The following FGF12 variants were observed in gnomAD, a reference collection of about 807,000 sequenced individuals.
FGF12 encodes the protein fibroblast growth factor 12B.
Under a neutral mutation model 23.6 loss-of-function variants are expected in FGF12, and 14 were observed. That is an observed-to-expected ratio of 0.59 (90% confidence interval 0.39 to 0.93). The LOEUF (loss-of-function observed/expected upper bound fraction) is 0.93. FGF12 is among the 40% of genes least tolerant of loss of function. The pLI, the probability that FGF12 is intolerant of heterozygous loss-of-function variation, is 0.00. For missense variants in FGF12, 175 were observed against 217.8 expected, an observed-to-expected ratio of 0.80 and a Z score of 1.24; for synonymous variants, 62 against 77.3, an observed-to-expected ratio of 0.80 and a Z score of 1.04.
At chr3:192,415,485 C>T (rs971029555) in intron 2 of FGF12, among the ~76,000 whole-genome samples, 1 of 152,168 alleles carries the variant, frequency 6.6e-6, no homozygotes. Context: ...ATGCATGGGT[C>T]ATCCCAAAGT....
At chr3:192,611,727 T>C (rs1391016847) in intron 2 of FGF12, among the ~76,000 whole-genome samples, 3 of 151,992 alleles carry the variant, frequency 2.0e-5, no homozygotes, top group Non-Finnish European at 4.4e-5. Flanking sequence ...AAAGGATGTA[T>C]ACTGAAGGAG....
chr3:192,494,472 T>G (rs879776497), intron 2 of FGF12, among the ~76,000 whole-genome samples: 1 of 152,192 alleles, frequency 6.6e-6, no homozygotes, highest in Non-Finnish European at 1.5e-5. Context: ...ATATCCTACT[T>G]CAATCTCTCT....
intron 2 of FGF12, among the ~76,000 whole-genome samples, chr3:192,552,606 G>A (rs899390739): frequency 2.6e-5 from 4 of 152,046 alleles, no homozygotes; most frequent in African/African-American, 9.7e-5. Context: ...GTAAATACAG[G>A]CCAGCCAGGC....
intron 2 of FGF12, among the ~76,000 whole-genome samples, chr3:192,454,548 A>C (rs1388108609): frequency 1.3e-5 from 2 of 152,230 alleles, no homozygotes; most frequent in Non-Finnish European, 2.9e-5. Flanking sequence ...AAAATTCAGG[A>C]ATAAAAGGCT....
At chr3:192,571,194 T>C (rs568334688) in intron 2 of FGF12, among the ~76,000 whole-genome samples, 2 of 152,356 alleles carry the variant, frequency 1.3e-5, no homozygotes, top group South Asian at 4.1e-4. Flanking sequence ...TGTGAAACCT[T>C]TTCTCCTGGA....
intron 2 of FGF12, among the ~76,000 whole-genome samples, chr3:192,635,757 C>T (rs1715556228): frequency 6.6e-6 from 1 of 152,036 alleles, no homozygotes; most frequent in Admixed American, 6.5e-5. Context: ...GAGGTCCATC[C>T]TTTTAGTATA....
chr3:192,427,600 T>C (rs1256429377), intron 2 of FGF12, among the ~76,000 whole-genome samples: 1 of 152,208 alleles, frequency 6.6e-6, no homozygotes, highest in Non-Finnish European at 1.5e-5. Flanking sequence ...TTTCATTTAG[T>C]AAATAAATAC....
chr3:192,310,414 A>T (rs1412458942), intron 4 of FGF12, among the ~76,000 whole-genome samples: 2 of 152,202 alleles, frequency 1.3e-5, no homozygotes, highest in Non-Finnish European at 2.9e-5. Context: ...ATGGGCTTCA[A>T]ACTTCAGTTA....
chr3:192,236,257 A>G (rs759692960), intron 4 of FGF12, among the ~76,000 whole-genome samples: 2 of 151,982 alleles, frequency 1.3e-5, no homozygotes, highest in Non-Finnish European at 2.9e-5. Flanking sequence ...TTGAATTTAT[A>G]GAGAATTGCT....
intron 2 of FGF12, among the ~76,000 whole-genome samples, chr3:192,419,957 T>C (rs918919445): frequency 3.9e-5 from 6 of 152,178 alleles, no homozygotes; most frequent in African/African-American, 1.2e-4. Flanking sequence ...TGAGTTGTGG[T>C]ATTTGAGAAT....
At chr3:192,382,913 C>T (rs964568088) in intron 2 of FGF12, among the ~76,000 whole-genome samples, 14 of 152,014 alleles carry the variant, frequency 9.2e-5, no homozygotes, top group African/African-American at 1.9e-4. Context: ...AGACTGATAA[C>T]GAGAGAACAG....
chr3:192,394,010 A>G (rs1046975227), intron 2 of FGF12, among the ~76,000 whole-genome samples: 6 of 152,172 alleles, frequency 3.9e-5, no homozygotes, highest in Admixed American at 6.5e-5. Context: ...ATGGCATCCT[A>G]TACTTTACTA....
chr3:192,197,726 C>T (rs1717144238), intron 4 of FGF12, among the ~76,000 whole-genome samples: 1 of 152,052 alleles, frequency 6.6e-6, no homozygotes, highest in Admixed American at 6.6e-5. Flanking sequence ...GGGAAGATCA[C>T]CTGAGGTCGG....
At chr3:192,632,898 A>C (rs955457018) in intron 2 of FGF12, among the ~76,000 whole-genome samples, 1 of 152,040 alleles carries the variant, frequency 6.6e-6, no homozygotes, top group African/African-American at 2.4e-5. Context: ...GGGGGAATCT[A>C]TTCCATGCCT....
chr3:192,390,417 C>T (rs1321369587), intron 2 of FGF12, among the ~76,000 whole-genome samples: 2 of 152,106 alleles, frequency 1.3e-5, no homozygotes, highest in Non-Finnish European at 2.9e-5. Context: ...GAACTGGGAA[C>T]CTTTGCAAAG....
intron 4 of FGF12, among the ~76,000 whole-genome samples, chr3:192,233,926 T>C (rs1395905139): frequency 2.0e-5 from 3 of 152,176 alleles, no homozygotes; most frequent in African/African-American, 7.2e-5. Flanking sequence ...TACCATGCTG[T>C]ATTTTACTGT....
chr3:192,468,234 G>A (rs1723066690), intron 2 of FGF12, among the ~76,000 whole-genome samples: 1 of 152,126 alleles, frequency 6.6e-6, no homozygotes, highest in African/African-American at 2.4e-5. Context: ...AATGTTAACA[G>A]TTCACACAAT....
At chr3:192,581,486 GTATATA>G (rs71298511) in intron 2 of FGF12, among the ~76,000 whole-genome samples, 38,919 of 144,576 alleles carry the variant, frequency 0.27, 5,569 homozygotes, top group East Asian at 0.52. Flanking sequence ...GTGTGTGTGT[GTATATA>G]TATATATATA....
intron 2 of FGF12, among the ~76,000 whole-genome samples, chr3:192,580,512 A>T (rs1345128380): frequency 6.6e-6 from 1 of 152,200 alleles, no homozygotes; most frequent in Admixed American, 6.5e-5. Context: ...ATAGCTCCAC[A>T]TAGTTTATGT....
Sources: allele counts gnomAD v4.1 joint callset (sites outside exome capture counted in the v4.1 genomes callset), GRCh38; gene constraint gnomAD v4.1.1; transcripts MANE v1.5; gene names NCBI Gene and HGNC (gene_info 2026-07-23, HGNC 2026-07-21).